Variants in REC114 observed in about 807,000 individuals in gnomAD.
The protein encoded by REC114 is meiotic recombination protein REC114.
A neutral mutation model predicts 31.3 loss-of-function variants in REC114; 27 were observed. That is an observed-to-expected ratio of 0.86 (90% confidence interval 0.64 to 1.19). The LOEUF is 1.19. REC114 is among the 50% of genes most tolerant of loss of function. The pLI, the probability that REC114 is intolerant of heterozygous loss-of-function variation, is 0.00. For missense variants in REC114, 344 were observed against 326.9 expected (o/e 1.05, Z -0.40); for synonymous variants, 134 against 127.7 (o/e 1.05, Z -0.33).
chr15:73,534,646 T>G (rs1222980698), intron 2 of REC114, among the ~76,000 whole-genome samples: 2 of 152,048 alleles, frequency 1.3e-5, no homozygotes, highest in Non-Finnish European at 2.9e-5. Flanking sequence ...TTCCAATCAA[T>G]ACAAAAAGAG....
chr15:73,502,111 C>T (rs969458342), intron 2 of REC114, among the ~76,000 whole-genome samples: 3 of 150,978 alleles, frequency 2.0e-5, no homozygotes, highest in African/African-American at 4.9e-5. Context: ...GCTATGACCA[C>T]GCCACTGCAC....
intron 5 of REC114, among the ~76,000 whole-genome samples, chr15:73,558,452 G>A (rs1324471805): frequency 6.6e-6 from 1 of 152,082 alleles, no homozygotes; most frequent in Non-Finnish European, 1.5e-5. Context: ...ATTTTTATTT[G>A]AACTCTCCTA....
intron 1 of REC114, among the ~76,000 whole-genome samples, chr15:73,445,687 A>G (rs1283529561): frequency 6.6e-6 from 1 of 152,102 alleles, no homozygotes; most frequent in African/African-American, 2.4e-5. Context: ...GTGAGGACTG[A>G]GGAGAGGGAG....
chr15:73,501,429 A>G (rs1222612961), intron 2 of REC114, among the ~76,000 whole-genome samples: 1 of 152,110 alleles, frequency 6.6e-6, no homozygotes, highest in Non-Finnish European at 1.5e-5. Context: ...AGCCTTTTCC[A>G]GTTTTATCAG....
intron 2 of REC114, among the ~76,000 whole-genome samples, chr15:73,538,097 AAATTT>A (rs1024556206): frequency 3.9e-4 from 60 of 152,326 alleles, no homozygotes; most frequent in Middle Eastern, 3.4e-3. Context: ...ATGGAATTTT[AAATTT>A]AATTTAATTT....
At chr15:73,504,368 A>G (rs1313923592) in intron 2 of REC114, among the ~76,000 whole-genome samples, 1 of 152,054 alleles carries the variant, frequency 6.6e-6, no homozygotes, top group Non-Finnish European at 1.5e-5. Flanking sequence ...ATCTTTTTGT[A>G]TAGGAATTCA....
intron 2 of REC114, among the ~76,000 whole-genome samples, chr15:73,538,091 A>G (rs1207706572): frequency 6.6e-6 from 1 of 152,192 alleles, no homozygotes; most frequent in African/African-American, 2.4e-5. Flanking sequence ...CTAAAAATGG[A>G]ATTTTAAATT....
chr15:73,509,440 T>G (rs1243671475), intron 2 of REC114, among the ~76,000 whole-genome samples: 8 of 151,022 alleles, frequency 5.3e-5, no homozygotes, highest in South Asian at 4.2e-4. Context: ...AAGCTCTTTA[T>G]TTTAATTAGA....
At chr15:73,489,658 A>T (rs962685151) in intron 2 of REC114, among the ~76,000 whole-genome samples, 2 of 151,788 alleles carry the variant, frequency 1.3e-5, no homozygotes, top group Non-Finnish European at 2.9e-5. Flanking sequence ...ATTATTATTA[A>T]CTTATGTAAG....
At chr15:73,509,250 G>A (rs1304995206) in intron 2 of REC114, among the ~76,000 whole-genome samples, 1 of 149,240 alleles carries the variant, frequency 6.7e-6, no homozygotes, top group Non-Finnish European at 1.5e-5. Flanking sequence ...CTTCTTTTGA[G>A]AAGTGTCTGT....
At chr15:73,501,856 A>T (rs180774073) in intron 2 of REC114, among the ~76,000 whole-genome samples, 3 of 152,354 alleles carry the variant, frequency 2.0e-5, no homozygotes, top group Admixed American at 2.0e-4. Flanking sequence ...AGATACAAGG[A>T]TGCAACGATC....
At chr15:73,509,881 C>T (rs1014164072) in intron 2 of REC114, among the ~76,000 whole-genome samples, 28 of 151,858 alleles carry the variant, frequency 1.8e-4, no homozygotes, top group African/African-American at 6.0e-4. Flanking sequence ...AGTGTGATGC[C>T]TCCAGCTTTG....
intron 1 of REC114, among the ~76,000 whole-genome samples, chr15:73,473,029 A>G (rs1893154982): frequency 6.6e-6 from 1 of 152,176 alleles, no homozygotes; most frequent in African/African-American, 2.4e-5. Flanking sequence ...TTATGGCACC[A>G]TATTTTAAGA....
intron 4 of REC114, among the ~76,000 whole-genome samples, chr15:73,555,303 G>A (rs181792063): frequency 1.4e-3 from 208 of 152,134 alleles, no homozygotes; most frequent in Non-Finnish European, 1.7e-3. Context: ...ACCACTGCTC[G>A]TCTGGAGATT....
At chr15:73,523,145 T>C (rs1276012736) in intron 2 of REC114, among the ~76,000 whole-genome samples, 2 of 152,204 alleles carry the variant, frequency 1.3e-5, no homozygotes, top group Non-Finnish European at 2.9e-5. Context: ...TTTATGTATA[T>C]ATTCTGAATT....
intron 1 of REC114, among the ~76,000 whole-genome samples, chr15:73,469,514 C>G (rs1171274288): frequency 6.6e-6 from 1 of 151,898 alleles, no homozygotes; most frequent in Non-Finnish European, 1.5e-5. Context: ...ACAGCAGCCT[C>G]GAACTCCTGA....
At chr15:73,547,249 T>C (rs1224058552) in intron 3 of REC114, among the ~76,000 whole-genome samples, 1 of 152,128 alleles carries the variant, frequency 6.6e-6, no homozygotes, top group Non-Finnish European at 1.5e-5. Context: ...AAGATTTGAA[T>C]AGACATTTCT....
chr15:73,526,441 A>G (rs902062815), intron 2 of REC114, among the ~76,000 whole-genome samples: 1 of 151,402 alleles, frequency 6.6e-6, no homozygotes, highest in Admixed American at 6.6e-5. Flanking sequence ...ATTCCATTTC[A>G]TTTTCACAAT....
intron 1 of REC114, among the ~76,000 whole-genome samples, chr15:73,444,594 C>G (rs1242855367): frequency 6.6e-6 from 1 of 152,190 alleles, no homozygotes; most frequent in African/African-American, 2.4e-5. Context: ...CATCTGCAGT[C>G]CCTTCCTCCA....
Sources: gnomAD v4.1 joint callset for allele counts (sites outside exome capture counted in the v4.1 genomes callset) on GRCh38, gnomAD v4.1.1 for gene constraint, MANE v1.5 for transcripts, NCBI Gene and HGNC (gene_info 2026-07-23, HGNC 2026-07-21) for gene names.